Variants in TBC1D30 observed in about 807,000 individuals in gnomAD.
TBC1D30 encodes the protein TBC1 domain family member 30, also known as TBC1 domain family, member 30.
In TBC1D30, 31 loss-of-function variants were observed where a neutral mutation model predicts 63.2. The ratio of observed to expected loss-of-function variants is 0.49; its 90% CI spans 0.37 to 0.66. TBC1D30 has a LOEUF of 0.66. Ranked by LOEUF, TBC1D30 falls within the 30% of genes least tolerant of loss-of-function variation. The pLI is 0.00. For synonymous variants in TBC1D30, 307 were observed against 361.5 expected, an observed-to-expected ratio of 0.85 and a Z score of 1.71; for missense variants, 810 against 953.6, an observed-to-expected ratio of 0.85 and a Z score of 1.98.
intron 1 of TBC1D30, among the ~76,000 whole-genome samples, chr12:64,781,965 C>G: frequency 6.6e-6 from 1 of 151,534 alleles, no homozygotes; most frequent in East Asian, 1.9e-4. Context: ...CTTCAGTTGG[C>G]ATGGAGAGGT....
intron 1 of TBC1D30, among the ~76,000 whole-genome samples, chr12:64,825,754 G>T (rs1473964103): frequency 6.6e-6 from 1 of 152,220 alleles, no homozygotes; most frequent in Non-Finnish European, 1.5e-5. Context: ...CCTAGCGCGG[G>T]CTCCTGGGCA....
In TBC1D30 at chr12:64,874,997, TCAGA is replaced by T; in HGVS notation, c.1499-1_1501del. 1 of 1,533,292 alleles carries T rather than the reference TCAGA, an allele frequency of 6.5e-7. No individual in the cohort carries two copies. The highest frequency in any genetic ancestry group is 1.2e-5 in the South Asian group (1 of 83,574). 95.0% of individuals were successfully genotyped at this position (1,533,292 alleles called of 1,614,324 possible). ...TTCATACTACCTTTCAACATTTCTT[TCAGA>T]CAAAGGGCCAGTGACCAGCATTCTC... On this transcript the variant is annotated splice_acceptor_variant and splice_polypyrimidine_tract_variant and coding_sequence_variant and intron_variant, in exon 12 of 12. Coordinates refer to ENST00000539867, the MANE Select transcript of TBC1D30 (RefSeq NM_015279.2). LOFTEE classifies it high-confidence loss of function.
At chr12:64,870,102 C>T (rs1406403021) in intron 10 of TBC1D30, among the ~76,000 whole-genome samples, 1 of 152,192 alleles carries the variant, frequency 6.6e-6, no homozygotes, top group Non-Finnish European at 1.5e-5. Context: ...AGCATTCATT[C>T]TAGTGATACA....
At chr12:64,835,113 C>A (rs1004118577) in intron 5 of TBC1D30, among the ~76,000 whole-genome samples, 1 of 152,154 alleles carries the variant, frequency 6.6e-6, no homozygotes, top group African/African-American at 2.4e-5. Context: ...CTCCCAGAAC[C>A]TCCTCTTCCC....
upstream of TBC1D30, among the ~76,000 whole-genome samples, chr12:64,775,619 G>T (rs1365455545): frequency 6.6e-6 from 1 of 152,158 alleles, no homozygotes; most frequent in Non-Finnish European, 1.5e-5. Context: ...GGAATACCCA[G>T]ATTCATAAAG....
At chr12:64,874,330 C>T (rs775646064) in intron 11 of TBC1D30, among the ~76,000 whole-genome samples, 1 of 152,200 alleles carries the variant, frequency 6.6e-6, no homozygotes, top group Admixed American at 6.5e-5. Flanking sequence ...TCAAGTGATC[C>T]TCCTGCCTTG....
chr12:64,825,807 T>A (rs1874284225), intron 1 of TBC1D30, among the ~76,000 whole-genome samples: 2 of 152,226 alleles, frequency 1.3e-5, no homozygotes, highest in African/African-American at 4.8e-5. Flanking sequence ...GAGTTGGCTG[T>A]ACTCTCACTG....
intron 2 of TBC1D30, among the ~76,000 whole-genome samples, chr12:64,788,257 A>C (rs914085726): frequency 6.6e-6 from 1 of 151,354 alleles, no homozygotes; most frequent in South Asian, 2.1e-4. Flanking sequence ...GGTGGCATGT[A>C]TTATAAGTAT....
At chr12:64,811,158 G>T (rs1873197446) in intron 2 of TBC1D30, among the ~76,000 whole-genome samples, 1 of 152,216 alleles carries the variant, frequency 6.6e-6, no homozygotes, top group South Asian at 2.1e-4. Context: ...GTCAACATCA[G>T]TAAGTAGTTA....
chr12:64,770,708 C>CTT (rs756602085), intron 1 of TBC1D30, among the ~76,000 whole-genome samples: 3 of 144,028 alleles, frequency 2.1e-5, no homozygotes, highest in Admixed American at 7.0e-5. Flanking sequence ...CCTTTTTCTT[C>CTT]TTTTTTTTTT....
In TBC1D30 at chr12:64,877,144, C is replaced by T. The variant is rs1879146897; in HGVS notation, c.*1356C>T. 1 of 278,352 alleles carries T rather than the reference C, an allele frequency of 3.6e-6. No homozygotes were observed. Among genetic ancestry groups the T allele is most frequent in the African/African-American group, 2.2e-5 (1 of 45,682 alleles). 17.2% of individuals were successfully genotyped at this position (278,352 alleles called of 1,614,324 possible). A position where few individuals can be genotyped will look rare whatever the true frequency, so the allele number is the denominator to read the frequency against. ...TGGCATTTTACAAAACCAGCTCTGA[C>T]TTCCTTATCCTGAACAGGGAGTTTA... On this transcript the variant is annotated 3_prime_UTR_variant, in exon 12 of 12. Transcript: ENST00000539867.
chr12:64,791,760 G>T (rs935502413), intron 2 of TBC1D30, among the ~76,000 whole-genome samples: 10 of 151,866 alleles, frequency 6.6e-5, no homozygotes, highest in Admixed American at 6.6e-5. Flanking sequence ...AGGCATGGAG[G>T]GGGTGGTGGG....
intron 8 of TBC1D30, among the ~76,000 whole-genome samples, chr12:64,846,218 T>C (rs1433126896): frequency 6.6e-6 from 1 of 152,130 alleles, no homozygotes; most frequent in Non-Finnish European, 1.5e-5. Flanking sequence ...TGATCCCATT[T>C]GTCCATTTTG....
exon 1 of TBC1D30, chr12:64,780,689 G>T (rs866524028): frequency 1.1e-6 from 1 of 936,736 alleles, no homozygotes. Flanking sequence ...TCCAGAGCCC[G>T]CTGGCGCCGC....
At chr12:64,829,369 T>C (rs1346050992) in intron 3 of TBC1D30, among the ~76,000 whole-genome samples, 1 of 152,154 alleles carries the variant, frequency 6.6e-6, no homozygotes, top group Admixed American at 6.6e-5. Flanking sequence ...AGGCTGAGCT[T>C]ACATGAATTC....
chr12:64,767,295 C>T (rs1481044961), intron 1 of TBC1D30, among the ~76,000 whole-genome samples: 4 of 151,760 alleles, frequency 2.6e-5, no homozygotes, highest in Non-Finnish European at 5.9e-5. Context: ...TCTTGGTGGT[C>T]CCTATCAGAG....
At chr12:64,822,644 G>A (rs1873955776), upstream of TBC1D30, among the ~76,000 whole-genome samples, 1 of 150,826 alleles carries the variant, frequency 6.6e-6, no homozygotes, top group Admixed American at 6.6e-5. Context: ...GCCTACAGGT[G>A]TGTGCCATCA....
At chr12:64,840,096 T>A (rs1315234892) in intron 7 of TBC1D30, among the ~76,000 whole-genome samples, 1 of 152,046 alleles carries the variant, frequency 6.6e-6, no homozygotes, top group African/African-American at 2.4e-5. Flanking sequence ...ATCACCTAGC[T>A]ATCTCCTTTG....
chr12:64,794,452 T>A (rs982829508), intron 2 of TBC1D30, among the ~76,000 whole-genome samples: 6 of 152,306 alleles, frequency 3.9e-5, no homozygotes, highest in African/African-American at 1.4e-4. Context: ...CTTTCTTTTT[T>A]TTTTGAGACA....
Sources: allele counts gnomAD v4.1 joint callset (sites outside exome capture counted in the v4.1 genomes callset), GRCh38; gene constraint gnomAD v4.1.1; transcripts MANE v1.5; gene names NCBI Gene and HGNC (gene_info 2026-07-23, HGNC 2026-07-21).